Variants in PTPRG observed in about 807,000 individuals in gnomAD.
PTPRG encodes receptor-type tyrosine-protein phosphatase gamma.
A neutral mutation model predicts 165.3 loss-of-function variants in PTPRG; 102 were observed. That is an observed-to-expected ratio of 0.62 (90% CI 0.53 to 0.73). The LOEUF (loss-of-function observed/expected upper bound fraction) is 0.73. Ranked by LOEUF, PTPRG falls within the 30% of genes least tolerant of loss-of-function variation. The pLI is 0.00. For missense variants in PTPRG, 1,866 were observed against 1,861.4 expected, an observed-to-expected ratio of 1.00 and a Z score of -0.05; for synonymous variants, 675 against 669.5, an observed-to-expected ratio of 1.01 and a Z score of -0.13.
chr3:62,149,311 G>A (rs1311460091), intron 6 of PTPRG, among the ~76,000 whole-genome samples: 1 of 138,776 alleles, frequency 7.2e-6, no homozygotes. Context: ...GTCTCACTCT[G>A]TCACCAGGCT....
At chr3:61,608,713 G>A (rs1301630112) in intron 1 of PTPRG, among the ~76,000 whole-genome samples, 1 of 152,210 alleles carries the variant, frequency 6.6e-6, no homozygotes, top group African/African-American at 2.4e-5. Context: ...GGCAGCATGA[G>A]TCGGCCTGGG....
chr3:62,263,142 TATTTTCAC>T, intron 17 of PTPRG: 1 of 389,520 alleles, frequency 2.6e-6, no homozygotes, highest in East Asian at 4.8e-5. Flanking sequence ...GGAGCTTCGC[TATTTTCAC>T]ATGAAGTGAT....
At chr3:61,719,916 G>A (rs1203895080) in intron 1 of PTPRG, among the ~76,000 whole-genome samples, 1 of 152,090 alleles carries the variant, frequency 6.6e-6, no homozygotes, top group African/African-American at 2.4e-5. Flanking sequence ...GCTTCTGTGA[G>A]TCTTTGCTCA....
At position 62,231,320 on chromosome 3, in the gene PTPRG, C is replaced by A. The variant is rs752917193; in HGVS notation, c.2375+9C>A. On this transcript the variant is annotated intron_variant, in intron 14 of 29. Transcript: ENST00000474889. The stretch of plus-strand genomic sequence containing the variant: ...GGAGAGAAGGGGAGCAGGTGAGGGG[C>A]GGTCAAGCTTAAGTGGGGGGCGTCT... 1.9e-6 allele frequency: 3 copies of A among 1,565,298 alleles called. No homozygotes were observed. The highest frequency in any genetic ancestry group is 1.2e-5 in the South Asian group (1 of 82,702).
chr3:61,994,451 C>A (rs536194791), intron 3 of PTPRG, among the ~76,000 whole-genome samples: 1 of 152,166 alleles, frequency 6.6e-6, no homozygotes, highest in South Asian at 2.1e-4. Context: ...TGCCTACATT[C>A]TTCCCTATTT....
At chr3:61,731,203 A>G (rs893062279) in intron 1 of PTPRG, among the ~76,000 whole-genome samples, 1 of 152,152 alleles carries the variant, frequency 6.6e-6, no homozygotes, top group Non-Finnish European at 1.5e-5. Context: ...AAAGGAAAAG[A>G]GAAAAAGTAG....
intron 1 of PTPRG, among the ~76,000 whole-genome samples, chr3:61,709,302 TTA>T (rs1266487809): frequency 6.6e-6 from 1 of 152,140 alleles, no homozygotes; most frequent in African/African-American, 2.4e-5. Flanking sequence ...CAGTTGCATT[TTA>T]TTTTTTATTT....
chr3:61,703,669 G>A (rs1014637907), intron 1 of PTPRG, among the ~76,000 whole-genome samples: 2 of 152,092 alleles, frequency 1.3e-5, no homozygotes, highest in Non-Finnish European at 2.9e-5. Flanking sequence ...CCTTTTCTTG[G>A]TAATCTGATG....
At chr3:61,952,078 A>G (rs2039912427) in intron 2 of PTPRG, among the ~76,000 whole-genome samples, 1 of 142,586 alleles carries the variant, frequency 7.0e-6, no homozygotes, top group Non-Finnish European at 1.5e-5. Context: ...AGATCACGCC[A>G]CAGCACTGCA....
intron 1 of PTPRG, among the ~76,000 whole-genome samples, chr3:61,579,588 A>G (rs1474662640): frequency 6.6e-6 from 1 of 152,254 alleles, no homozygotes; most frequent in Non-Finnish European, 1.5e-5. Context: ...TTTGCCCTGT[A>G]TCACGTAACT....
intron 18 of PTPRG, 42 bp downstream of exon 18, chr3:62,267,534 A>T (rs1008867121): frequency 6.4e-7 from 1 of 1,558,266 alleles, no homozygotes; most frequent in African/African-American, 1.4e-5. Flanking sequence ...CTAGAAATTG[A>T]AGACTGCAGC....
Position 62,168,132 on chromosome 3 carries a change from A to G in PTPRG, c.1002A>G (p.Leu334=). Reference sequence around the variant, plus strand: ...GGAACCACGACATGACAGACTTCTTAGAAAACCCACTGGGGACAGAAGCCT... The same window carrying G: ...GGAACCACGACATGACAGACTTCTTGGAAAACCCACTGGGGACAGAAGCCT... ...DSWNHDMTDF[L]ENPLGTEASK... Residue 334 remains leucine (L), a synonymous_variant, in exon 8 of 30, where the codon TTA becomes TTG. Coordinates refer to ENST00000474889, the MANE Select transcript of PTPRG (RefSeq NM_002841.4). 2 of 1,614,116 alleles carry G rather than the reference A, an allele frequency of 1.2e-6. No homozygotes were observed. The highest frequency in any genetic ancestry group is 1.7e-6 in the Non-Finnish European group (2 of 1,179,990).
intron 5 of PTPRG, among the ~76,000 whole-genome samples, chr3:62,091,061 A>G (rs898916515): frequency 1.3e-5 from 2 of 152,234 alleles, no homozygotes; most frequent in African/African-American, 2.4e-5. Flanking sequence ...TTAAAATAAC[A>G]ATGTTGATGA....
intron 2 of PTPRG, among the ~76,000 whole-genome samples, chr3:61,794,712 G>A (rs1320217968): frequency 6.6e-6 from 1 of 152,156 alleles, no homozygotes; most frequent in Non-Finnish European, 1.5e-5. Context: ...TGAAAAATGA[G>A]TAAATTCATC....
chr3:62,056,803 G>A (rs964007040), intron 4 of PTPRG, among the ~76,000 whole-genome samples: 1 of 152,164 alleles, frequency 6.6e-6, no homozygotes, highest in African/African-American at 2.4e-5. Context: ...GTCACTTGCT[G>A]TGCTTTGCCT....
At chr3:61,790,039 T>C (rs565413245) in intron 2 of PTPRG, among the ~76,000 whole-genome samples, 15 of 152,286 alleles carry the variant, frequency 9.8e-5, no homozygotes, top group African/African-American at 3.1e-4. Context: ...CTGATGTGCT[T>C]ATTCCAGTGG....
Position 61,908,239 on chromosome 3 carries a change from A to G in PTPRG, c.191-81386A>G, listed in dbSNP as rs535325283. On this transcript the variant is annotated intron_variant, in intron 2 of 29. Transcript: ENST00000474889. The stretch of plus-strand genomic sequence containing the variant: ...TCAGGAGTTCGAGACCAGCCTGGCC[A>G]ACACGGTGAAACCCTGTCTCTATTA... Among the ~76,000 whole-genome samples the G allele has an allele frequency of 1.2e-4, 18 of 151,564 alleles. No individual in the cohort carries two copies. In the South Asian group the frequency reaches 3.8e-3, roughly 32 times the overall value.
At chr3:62,234,618 T>G (rs1291274255) in intron 14 of PTPRG, among the ~76,000 whole-genome samples, 2 of 152,210 alleles carry the variant, frequency 1.3e-5, no homozygotes, top group African/African-American at 4.8e-5. Context: ...AAACTGTTTA[T>G]ATCTTTTGCT....
At chr3:61,599,649 T>A (rs868545295) in intron 1 of PTPRG, among the ~76,000 whole-genome samples, 4 of 142,810 alleles carry the variant, frequency 2.8e-5, no homozygotes, top group Non-Finnish European at 4.5e-5. Context: ...CACACCACCA[T>A]GCCTCCCTAA....
Sources: gnomAD v4.1 joint callset for allele counts (sites outside exome capture counted in the v4.1 genomes callset) on GRCh38, gnomAD v4.1.1 for gene constraint, MANE v1.5 for transcripts, NCBI Gene and HGNC (gene_info 2026-07-23, HGNC 2026-07-21) for gene names.